CALN1: variants seen among roughly 807,000 people sequenced by gnomAD.
CALN1 encodes calcium-binding protein 8.
CALN1 carries 17 observed loss-of-function variants against 30.6 expected under a neutral mutation model. The ratio of observed to expected loss-of-function variants is 0.56; its 90% CI spans 0.38 to 0.83. CALN1 has a LOEUF of 0.83. Among genes scored for constraint, CALN1 ranks in the 40% least tolerant of loss-of-function variants. The pLI is 0.00. For synonymous variants in CALN1, 156 were observed against 131.4 expected (o/e 1.19, Z -1.28); for missense variants, 291 against 354.9 (o/e 0.82, Z 1.45).
intron 6 of CALN1, among the ~76,000 whole-genome samples, chr7:71,795,980 G>A (rs1415999488): frequency 6.8e-6 from 1 of 147,234 alleles, no homozygotes. Context: ...CACCACACCC[G>A]GCTAATTTTT....
At chr7:72,301,202 G>C (rs928435677) in intron 2 of CALN1, among the ~76,000 whole-genome samples, 3 of 152,160 alleles carry the variant, frequency 2.0e-5, no homozygotes, top group Non-Finnish European at 4.4e-5. Context: ...TATAGTCCCA[G>C]TCAGCAGTTG....
At chr7:72,319,977 A>AACCC (rs1192725939) in intron 2 of CALN1, among the ~76,000 whole-genome samples, 2 of 152,178 alleles carry the variant, frequency 1.3e-5, no homozygotes, top group African/African-American at 2.4e-5. Context: ...AACATGGTGA[A>AACCC]ACCCAGACTC....
rs1453158479 is a variant in CALN1 at position 72,246,697 on chromosome 7, C to T, written c.244+31989G>A. Among the ~76,000 whole-genome samples the T allele has an allele frequency of 2.0e-5, 3 of 151,626 alleles. No individual in the cohort carries two copies. The East Asian group carries it at 5.8e-4, about 29-fold the overall frequency. On this transcript the variant is annotated intron_variant, in intron 3 of 6. Transcript: ENST00000395275. The stretch of plus-strand genomic sequence containing the variant: ...GACCATCTTCTTGTTTTGTCCAGGA[C>T]TATCCGATACCCCATCCTCACAGTT...
chr7:72,356,259 A>G (rs1585568975), intron 2 of CALN1, among the ~76,000 whole-genome samples: 1 of 152,114 alleles, frequency 6.6e-6, no homozygotes, highest in East Asian at 1.9e-4. Flanking sequence ...GGAGCACTGG[A>G]AATACCAAAT....
Position 71,870,059 on chromosome 7 carries a change from T to C in CALN1, c.502-59567A>G, listed in dbSNP as rs1027017947. 4.5e-4 allele frequency among the ~76,000 whole-genome samples: 69 copies of C among 152,184 alleles called. 1 individual carries two copies. The highest frequency in any genetic ancestry group is 4.5e-3 in the Admixed American group (69 of 15,268). ...GAACGATGAGGAGTGGGGATGGGCTTTACCTGCACCTATAATATTTTATTT... is the reference window on the plus strand; with the variant it reads ...GAACGATGAGGAGTGGGGATGGGCTCTACCTGCACCTATAATATTTTATTT... On this transcript the variant is annotated intron_variant, in intron 5 of 6. Transcript: ENST00000395275.
At chr7:72,427,051 T>C (rs964737220) in intron 1 of CALN1, among the ~76,000 whole-genome samples, 10 of 152,234 alleles carry the variant, frequency 6.6e-5, no homozygotes, top group African/African-American at 2.4e-4. Context: ...TGTGTGATCA[T>C]GGCTCACTGC....
chr7:72,309,380 C>G (rs1162555780), intron 2 of CALN1, among the ~76,000 whole-genome samples: 1 of 152,126 alleles, frequency 6.6e-6, no homozygotes, highest in East Asian at 1.9e-4. Flanking sequence ...AGAAGGGACT[C>G]AAAAGGGTCC....
intron 6 of CALN1, among the ~76,000 whole-genome samples, chr7:71,788,481 TTTTTTTGTTG>T (rs1038955008): frequency 1.4e-5 from 2 of 142,936 alleles, no homozygotes; most frequent in African/African-American, 2.8e-5. Context: ...CTAAGAGGTT[TTTTTTTGTTG>T]TTTTTTTTTT....
chr7:72,397,627 C>A (rs1238410021), intron 2 of CALN1, among the ~76,000 whole-genome samples: 2 of 151,678 alleles, frequency 1.3e-5, no homozygotes, highest in African/African-American at 2.4e-5. Context: ...TGGTTAGGAA[C>A]AAGCACATGA....
rs575949729 is a variant in CALN1 at position 71,929,907 on chromosome 7, T to C, written c.501+93750A>G. Among the ~76,000 whole-genome samples, 201 of 152,300 alleles carry C rather than the reference T, an allele frequency of 1.3e-3. 2 individuals carry two copies. Among genetic ancestry groups the C allele is most frequent in the African/African-American group, 4.8e-3 (199 of 41,566 alleles). ...CCTTTTTAGTACAGCTGTCCCTCGG[T>C]ATCTGTGGGAATTGGTTTCAGGACA... is the stretch of plus-strand genomic sequence containing the variant. On this transcript the variant is annotated intron_variant, in intron 5 of 6. Coordinates refer to ENST00000395275, the MANE Select transcript of CALN1 (RefSeq NM_031468.4).
chr7:71,928,344 G>A (rs1415333414), intron 5 of CALN1, among the ~76,000 whole-genome samples: 2 of 151,610 alleles, frequency 1.3e-5, no homozygotes, highest in African/African-American at 4.9e-5. Context: ...CTCAATGGTT[G>A]TGTCCAATCT....
chr7:72,456,923 A>T, the CALN1 span, among the ~76,000 whole-genome samples: 1 of 152,170 alleles, frequency 6.6e-6, no homozygotes, highest in East Asian at 1.9e-4. Flanking sequence ...TTAGAGCCCA[A>T]GTAGGTAATG....
intron 2 of CALN1, among the ~76,000 whole-genome samples, chr7:72,401,783 T>A (rs1585668480): frequency 6.6e-6 from 1 of 152,322 alleles, no homozygotes; most frequent in East Asian, 1.9e-4. Flanking sequence ...TGTGATATCC[T>A]CAGATCTAGA....
chr7:71,836,498 C>T (rs948261242), intron 5 of CALN1, among the ~76,000 whole-genome samples: 4 of 152,124 alleles, frequency 2.6e-5, no homozygotes, highest in African/African-American at 9.7e-5. Context: ...AGAGAAACAG[C>T]GATGAACCGC....
At chr7:72,136,429 C>G (rs750424328) in intron 3 of CALN1, among the ~76,000 whole-genome samples, 2 of 152,168 alleles carry the variant, frequency 1.3e-5, no homozygotes, top group Non-Finnish European at 2.9e-5. Flanking sequence ...CTTGCTCACT[C>G]TGGATTAGGT....
At chr7:71,882,341 G>T (rs1792622195) in intron 5 of CALN1, among the ~76,000 whole-genome samples, 1 of 152,112 alleles carries the variant, frequency 6.6e-6, no homozygotes, top group African/African-American at 2.4e-5. Context: ...TTACACTGGG[G>T]CCACTTTGGT....
intron 4 of CALN1, among the ~76,000 whole-genome samples, chr7:72,088,316 T>C (rs953109609): frequency 1.3e-5 from 2 of 152,144 alleles, no homozygotes; most frequent in African/African-American, 4.8e-5. Context: ...CAAATTAGAT[T>C]ATTCACAAGG....
At chr7:72,337,958 C>T (rs368307075) in intron 2 of CALN1, among the ~76,000 whole-genome samples, 1 of 152,226 alleles carries the variant, frequency 6.6e-6, no homozygotes, top group African/African-American at 2.4e-5. Flanking sequence ...CCCAGACAGA[C>T]CCCTGCCCCA....
intron 6 of CALN1, among the ~76,000 whole-genome samples, chr7:71,804,315 G>C (rs539548883): frequency 5.3e-5 from 8 of 152,054 alleles, no homozygotes; most frequent in Middle Eastern, 3.4e-3. Context: ...TCAAGAACAG[G>C]CTGGGTGACA....
Sources: gnomAD v4.1 joint callset for allele counts (sites outside exome capture counted in the v4.1 genomes callset) on GRCh38, gnomAD v4.1.1 for gene constraint, MANE v1.5 for transcripts, NCBI Gene and HGNC (gene_info 2026-07-23, HGNC 2026-07-21) for gene names.